Variants in DMD observed in about 807,000 individuals in gnomAD.
DMD encodes dystrophin, also known as mutant dystrophin.
DMD carries 63 observed loss-of-function variants against 330.1 expected under a neutral mutation model. The ratio of observed to expected loss-of-function variants is 0.19; its 90% CI spans 0.16 to 0.24. DMD has a LOEUF of 0.24. Ranked by LOEUF, DMD falls within the 10% of genes least tolerant of loss-of-function variation. The pLI is 1.00. For synonymous variants in DMD, 1,223 were observed against 959.8 expected (o/e 1.27, Z -5.07); for missense variants, 3,344 against 2,684.1 (o/e 1.25, Z -5.43).
intron 75 of DMD, 145 bp downstream of exon 75, chrX:31,147,130 T>C: frequency 1.3e-6 from 1 of 761,176 alleles, no homozygotes; most frequent in Non-Finnish European, 2.0e-6. Flanking sequence ...CCTCTACTTC[T>C]ATCCTTTGAT....
intron 73 of DMD, among the ~76,000 whole-genome samples, chrX:31,171,965 C>T (rs950299053): frequency 1.8e-5 from 2 of 111,651 alleles, no homozygotes; most frequent in Non-Finnish European, 3.8e-5. Context: ...GTTTCCACTC[C>T]CCATGAGTGG....
At chrX:32,593,910 G>A (rs1051451559) in intron 13 of DMD, among the ~76,000 whole-genome samples, 5 of 112,480 alleles carry the variant, frequency 4.4e-5, no homozygotes, top group African/African-American at 1.3e-4. Context: ...ACTCTAATCT[G>A]CAGTAACATT....
intron 51 of DMD, among the ~76,000 whole-genome samples, chrX:31,744,453 C>T (rs1259479472): frequency 5.4e-5 from 6 of 111,459 alleles, no homozygotes; most frequent in African/African-American, 1.6e-4. Flanking sequence ...AAACGAGATA[C>T]GCATGTACAT....
At chrX:33,090,476 A>G (rs1288910635) in intron 1 of DMD, among the ~76,000 whole-genome samples, 1 of 108,578 alleles carries the variant, frequency 9.2e-6, no homozygotes, top group Non-Finnish European at 1.9e-5. Context: ...TCTGTGTCCA[A>G]CTACATTTGG....
At chrX:31,273,941 A>G (rs978325940) in intron 62 of DMD, among the ~76,000 whole-genome samples, 2 of 112,337 alleles carry the variant, frequency 1.8e-5, no homozygotes, top group African/African-American at 6.5e-5. Context: ...CGGCTCTGAC[A>G]GCAATTTGAA....
At chrX:32,837,055 A>C (rs140665804) in intron 4 of DMD, among the ~76,000 whole-genome samples, 1,551 of 111,676 alleles carry the variant, frequency 0.014, 9 homozygotes, top group Non-Finnish European at 0.024. Flanking sequence ...TCTGTCATCA[A>C]ATAGAAGTGG....
At chrX:33,125,166 T>A (rs1457239589) in intron 1 of DMD, among the ~76,000 whole-genome samples, 1 of 110,267 alleles carries the variant, frequency 9.1e-6, no homozygotes, top group Admixed American at 9.8e-5. Context: ...TGAGCCAGGC[T>A]GAAATAATTC....
chrX:31,137,257 G>A (rs978154102), intron 76 of DMD, among the ~76,000 whole-genome samples: 1 of 111,980 alleles, frequency 8.9e-6, no homozygotes, highest in African/African-American at 3.2e-5. Flanking sequence ...CTGACCTCGT[G>A]ATCCACCTGC....
At chrX:32,653,537 A>G (rs1339833603) in intron 9 of DMD, among the ~76,000 whole-genome samples, 3 of 111,892 alleles carry the variant, frequency 2.7e-5, no homozygotes, top group African/African-American at 9.8e-5. Flanking sequence ...TGATACCAGT[A>G]CCATGCTGTT....
chrX:31,489,244 G>A (rs772821360), intron 57 of DMD, among the ~76,000 whole-genome samples: 103 of 112,071 alleles, frequency 9.2e-4, no homozygotes, highest in Non-Finnish European at 1.7e-3. Context: ...AAGTTCAAGC[G>A]ATTCTGGTAC....
At chrX:32,667,950 G>A (rs1276639508) in intron 9 of DMD, among the ~76,000 whole-genome samples, 1 of 107,031 alleles carries the variant, frequency 9.3e-6, no homozygotes, top group Non-Finnish European at 1.9e-5. Flanking sequence ...GACCAGCCTG[G>A]CCAACATAGC....
rs934980672 is a variant in DMD, at chrX:32,327,984, T to C, written c.5922+14116A>G. Among the ~76,000 whole-genome samples, 15 of 111,827 alleles carry C rather than the reference T, an allele frequency of 1.3e-4. 1 individual carries two copies. The highest frequency in any genetic ancestry group is 8.6e-4 in the Admixed American group (9 of 10,440). On this transcript the variant is annotated intron_variant, in intron 41 of 78. Coordinates refer to ENST00000357033, the MANE Select transcript of DMD (RefSeq NM_004006.3). ...TCAGAATACAAATTTAATTGGCTTA[T>C]ATTATATCCAGACCAATTATTTCTT...
At chrX:32,723,674 C>T (rs1350570325) in intron 7 of DMD, among the ~76,000 whole-genome samples, 1 of 110,595 alleles carries the variant, frequency 9.0e-6, no homozygotes, top group East Asian at 2.8e-4. Context: ...CTTACCATAC[C>T]AAAACAGTTA....
intron 1 of DMD, among the ~76,000 whole-genome samples, chrX:33,204,827 G>A (rs17339044): frequency 0.15 from 16,836 of 112,035 alleles, 1,166 homozygotes; most frequent in African/African-American, 0.27. Context: ...GTTTTAGAGA[G>A]TCACTTATTT....
At chrX:33,012,145 C>A (rs2093713756) in intron 2 of DMD, among the ~76,000 whole-genome samples, 1 of 111,559 alleles carries the variant, frequency 9.0e-6, no homozygotes, top group Non-Finnish European at 1.9e-5. Context: ...ACAGTGAGAC[C>A]TATCACAATC....
chrX:31,589,713 G>A (rs746834732), intron 55 of DMD, among the ~76,000 whole-genome samples: 68 of 110,884 alleles, frequency 6.1e-4, no homozygotes, highest in Non-Finnish European at 1.0e-3. Context: ...TTATAGTACC[G>A]GCTATATTTG....
intron 41 of DMD, among the ~76,000 whole-genome samples, chrX:32,341,398 G>C (rs751772021): frequency 8.9e-6 from 1 of 111,965 alleles, no homozygotes; most frequent in Non-Finnish European, 1.9e-5. Context: ...GTGAGACCAA[G>C]CTAACAATTC....
At chrX:31,964,473 G>A (rs2095334291) in intron 45 of DMD, among the ~76,000 whole-genome samples, 1 of 111,476 alleles carries the variant, frequency 9.0e-6, no homozygotes, top group African/African-American at 3.3e-5. Context: ...ATTTAATTTG[G>A]AGGAGAGCAT....
intron 1 of DMD, among the ~76,000 whole-genome samples, chrX:33,137,409 T>C (rs776683413): frequency 7.1e-5 from 8 of 111,930 alleles, no homozygotes; most frequent in Non-Finnish European, 1.1e-4. Flanking sequence ...CTAGTTTCAC[T>C]AGGAACGGAC....
Sources: allele counts gnomAD v4.1 joint callset (sites outside exome capture counted in the v4.1 genomes callset), GRCh38; gene constraint gnomAD v4.1.1; transcripts MANE v1.5; gene names NCBI Gene and HGNC (gene_info 2026-07-23, HGNC 2026-07-21).